IGSF21: variants seen among roughly 807,000 people sequenced by gnomAD.
IGSF21 encodes immunoglobin superfamily member 21, also known as immunoglobulin superfamily member 21.
In IGSF21, 28 loss-of-function variants were observed where a neutral mutation model predicts 46.8. The observed-to-expected ratio is 0.60, with a 90% CI of 0.44 to 0.82. IGSF21 has a LOEUF of 0.82. Among genes scored for constraint, IGSF21 ranks in the 40% least tolerant of loss-of-function variants. IGSF21 has a pLI of 0.00. For missense variants in IGSF21, 624 were observed against 665.5 expected, an observed-to-expected ratio of 0.94 and a Z score of 0.69; for synonymous variants, 284 against 273.6, an observed-to-expected ratio of 1.04 and a Z score of -0.38.
intron 3 of IGSF21, among the ~76,000 whole-genome samples, chr1:18,327,854 G>A (rs1189595021): frequency 6.6e-6 from 1 of 152,036 alleles, no homozygotes; most frequent in Non-Finnish European, 1.5e-5. Context: ...ATGCTGAGTA[G>A]GTACAATTTA....
At chr1:18,194,440 G>A (rs1239064869) in intron 1 of IGSF21, among the ~76,000 whole-genome samples, 3 of 152,114 alleles carry the variant, frequency 2.0e-5, no homozygotes, top group African/African-American at 7.2e-5. Flanking sequence ...TCAAGGTGTC[G>A]GCAGGGCCAT....
In IGSF21 at chr1:18,175,354, G is replaced by A. The variant is rs180696681; in HGVS notation, c.71-52544G>A. Among the ~76,000 whole-genome samples, 411 of 152,294 alleles carry A rather than the reference G, an allele frequency of 2.7e-3. 2 individuals are homozygous for A. Among genetic ancestry groups the A allele is most frequent in the African/African-American group, 9.6e-3 (399 of 41,558 alleles). ...CTAAGGTTGAAGGAGGTGATTTTAGGACAAATACTAGGCCTCCCTATCTTA... is the reference window on the plus strand; with the variant it reads ...CTAAGGTTGAAGGAGGTGATTTTAGAACAAATACTAGGCCTCCCTATCTTA... On this transcript the variant is annotated intron_variant, in intron 1 of 9. Coordinates refer to ENST00000251296, the MANE Select transcript of IGSF21 (RefSeq NM_032880.5).
intron 1 of IGSF21, among the ~76,000 whole-genome samples, chr1:18,203,961 T>C (rs1346606007): frequency 6.6e-6 from 1 of 152,236 alleles, no homozygotes; most frequent in East Asian, 1.9e-4. Context: ...CAAGATTTGA[T>C]CTGGGGCCAT....
intron 1 of IGSF21, among the ~76,000 whole-genome samples, chr1:18,124,775 C>A (rs2086262220): frequency 6.6e-6 from 1 of 152,212 alleles, no homozygotes; most frequent in Non-Finnish European, 1.5e-5. Flanking sequence ...AGACAACACA[C>A]AATCCAGCTC....
intron 4 of IGSF21, among the ~76,000 whole-genome samples, chr1:18,344,445 TCTGAGGG>T (rs1485539770): frequency 3.9e-5 from 6 of 152,246 alleles, no homozygotes; most frequent in South Asian, 2.1e-4. Flanking sequence ...GCTAAGGAGA[TCTGAGGG>T]CTGAGGGCAG....
intron 2 of IGSF21, among the ~76,000 whole-genome samples, chr1:18,243,304 TCACCATC>T (rs1479258131): frequency 6.6e-6 from 1 of 152,124 alleles, no homozygotes; most frequent in Non-Finnish European, 1.5e-5. Flanking sequence ...GCGAACGGCA[TCACCATC>T]CACCAGTTTC....
intron 3 of IGSF21, among the ~76,000 whole-genome samples, chr1:18,324,327 A>T (rs1050916986): frequency 6.6e-6 from 1 of 152,138 alleles, no homozygotes; most frequent in African/African-American, 2.4e-5. Context: ...ACTCATTAAG[A>T]CTTCTGGCTC....
chr1:18,287,237 A>G (rs1281174309), intron 2 of IGSF21, among the ~76,000 whole-genome samples: 1 of 151,066 alleles, frequency 6.6e-6, no homozygotes, highest in African/African-American at 2.4e-5. Context: ...AAAAATAAAA[A>G]TACAAAAAAT....
intron 1 of IGSF21, among the ~76,000 whole-genome samples, chr1:18,203,058 T>G (rs1273906079): frequency 6.6e-6 from 1 of 152,052 alleles, no homozygotes; most frequent in African/African-American, 2.4e-5. Context: ...CACTGGGATT[T>G]GCAAGCCCCT....
chr1:18,303,486 C>T (rs1557633954), intron 3 of IGSF21, among the ~76,000 whole-genome samples: 1 of 152,148 alleles, frequency 6.6e-6, no homozygotes, highest in South Asian at 2.1e-4. Flanking sequence ...AGTGGCTTGC[C>T]TTGATCAGGG....
intron 5 of IGSF21, among the ~76,000 whole-genome samples, chr1:18,363,942 C>A (rs542808040): frequency 9.8e-4 from 149 of 152,238 alleles, no homozygotes; most frequent in Non-Finnish European, 1.9e-3. Flanking sequence ...CAGGACATGA[C>A]CCCAGATTTT....
At chr1:18,186,627 T>C (rs922649262) in intron 1 of IGSF21, among the ~76,000 whole-genome samples, 8 of 152,192 alleles carry the variant, frequency 5.3e-5, no homozygotes, top group Admixed American at 4.6e-4. Context: ...TTGCAGAGTA[T>C]TTAAAAAACA....
rs181919932 is a variant in IGSF21, at chr1:18,129,119, C to T, written c.70+20921C>T. Among the ~76,000 whole-genome samples, 6 of 152,224 alleles carry T rather than the reference C, an allele frequency of 3.9e-5. No individual in the cohort carries two copies. The East Asian group carries it at 9.6e-4, about 24-fold the overall frequency. On this transcript the variant is annotated intron_variant, in intron 1 of 9. Coordinates refer to ENST00000251296, the MANE Select transcript of IGSF21 (RefSeq NM_032880.5). The stretch of plus-strand genomic sequence containing the variant: ...GCAACAGTAAGTCAGTGCTATGAAT[C>T]GATACTGTAAGAGGGAGATACGTTT...
At chr1:18,362,639 C>G (rs528122435) in intron 5 of IGSF21, among the ~76,000 whole-genome samples, 1 of 152,268 alleles carries the variant, frequency 6.6e-6, no homozygotes, top group African/African-American at 2.4e-5. Flanking sequence ...GTCCGTGTCT[C>G]AAGCTCCAGG....
intron 1 of IGSF21, among the ~76,000 whole-genome samples, chr1:18,177,763 G>C (rs7550639): frequency 1.3e-5 from 2 of 152,144 alleles, no homozygotes; most frequent in African/African-American, 2.4e-5. Flanking sequence ...TGATTGGATC[G>C]AGGAGGTGGC....
intron 1 of IGSF21, among the ~76,000 whole-genome samples, chr1:18,163,253 A>G (rs770096158): frequency 2.6e-5 from 4 of 151,988 alleles, no homozygotes; most frequent in Non-Finnish European, 4.4e-5. Flanking sequence ...AAAAAAAGGC[A>G]ATGTGGCAGG....
intron 4 of IGSF21, among the ~76,000 whole-genome samples, chr1:18,336,078 A>G (rs2085763071): frequency 6.6e-6 from 1 of 152,220 alleles, no homozygotes; most frequent in Non-Finnish European, 1.5e-5. Flanking sequence ...CTGATGAGAG[A>G]CATGTACTTA....
chr1:18,226,318 G>A (rs936533809), intron 1 of IGSF21, among the ~76,000 whole-genome samples: 5 of 152,190 alleles, frequency 3.3e-5, no homozygotes, highest in Admixed American at 3.3e-4. Context: ...CTTGTTCCTG[G>A]AGGGCCGAGC....
At chr1:18,238,625 GA>G (rs35114666) in intron 2 of IGSF21, among the ~76,000 whole-genome samples, 98,086 of 132,578 alleles carry the variant, frequency 0.74, 37,877 homozygotes, top group Non-Finnish European at 0.88. Flanking sequence ...AAACTCTTGA[GA>G]GGGGGTGCCA....
Sources: gnomAD v4.1 joint callset for allele counts (sites outside exome capture counted in the v4.1 genomes callset) on GRCh38, gnomAD v4.1.1 for gene constraint, MANE v1.5 for transcripts, NCBI Gene and HGNC (gene_info 2026-07-23, HGNC 2026-07-21) for gene names.